Variants in TAFA1 observed in about 807,000 individuals in gnomAD.
TAFA1 encodes the protein chemokine-like protein TAFA-1.
Under a neutral mutation model 18.5 loss-of-function variants are expected in TAFA1, and 4 were observed. The observed-to-expected ratio is 0.22, with a 90% CI of 0.11 to 0.49. TAFA1 has a LOEUF of 0.49. TAFA1 is among the 20% of genes least tolerant of loss of function. TAFA1 has a pLI of 0.98. For missense variants in TAFA1, 147 were observed against 169.0 expected, an observed-to-expected ratio of 0.87 and a Z score of 0.72; for synonymous variants, 56 against 55.2, an observed-to-expected ratio of 1.01 and a Z score of -0.06.
At chr3:68,033,478 C>T (rs1426150969) in intron 2 of TAFA1, among the ~76,000 whole-genome samples, 2 of 152,156 alleles carry the variant, frequency 1.3e-5, no homozygotes, top group African/African-American at 4.8e-5. Context: ...TAGCTTCTGA[C>T]ATTGATATTT....
intron 2 of TAFA1, among the ~76,000 whole-genome samples, chr3:68,222,650 G>A (rs1177362116): frequency 3.3e-5 from 5 of 151,764 alleles, no homozygotes; most frequent in Non-Finnish European, 5.9e-5. Context: ...CTGTTTTTGG[G>A]GAGGGTGGAG....
chr3:68,072,901 G>A (rs888307754), intron 2 of TAFA1, among the ~76,000 whole-genome samples: 2 of 152,148 alleles, frequency 1.3e-5, no homozygotes, highest in African/African-American at 2.4e-5. Flanking sequence ...CAAACATAAA[G>A]CATTCAGATC....
intron 2 of TAFA1, among the ~76,000 whole-genome samples, chr3:68,020,084 G>A (rs73837233): frequency 0.029 from 4,422 of 151,888 alleles, 93 homozygotes; most frequent in East Asian, 0.13. Flanking sequence ...GCCCTACATG[G>A]ACTTACTTGT....
chr3:68,228,553 C>T (rs1678665905), intron 2 of TAFA1, among the ~76,000 whole-genome samples: 1 of 152,206 alleles, frequency 6.6e-6, no homozygotes, highest in African/African-American at 2.4e-5. Context: ...CTTTCATTTA[C>T]TCCTGCTCGA....
intron 2 of TAFA1, among the ~76,000 whole-genome samples, chr3:68,338,512 CT>C (rs2069015992): frequency 6.6e-6 from 1 of 152,112 alleles, no homozygotes; most frequent in African/African-American, 2.4e-5. Context: ...GTGCCATATT[CT>C]GTGTTGAACC....
At chr3:68,322,606 A>G (rs62245763) in intron 2 of TAFA1, among the ~76,000 whole-genome samples, 4,234 of 152,162 alleles carry the variant, frequency 0.028, 96 homozygotes, top group Middle Eastern at 0.075. Context: ...CCAAGGAGGG[A>G]GAATTGCCTG....
intron 2 of TAFA1, among the ~76,000 whole-genome samples, chr3:68,168,219 G>A (rs1025571249): frequency 1.3e-5 from 2 of 151,338 alleles, no homozygotes; most frequent in Non-Finnish European, 2.9e-5. Flanking sequence ...TCTTGTGTTG[G>A]GTTCTATTCT....
chr3:68,477,385 C>T (rs1348962782), intron 3 of TAFA1, among the ~76,000 whole-genome samples: 1 of 151,866 alleles, frequency 6.6e-6, no homozygotes, highest in Admixed American at 6.6e-5. Flanking sequence ...AAAAAAAATT[C>T]TTTTTTGAGA....
chr3:68,539,869 C>G (rs2073344812), intron 4 of TAFA1, among the ~76,000 whole-genome samples: 1 of 152,044 alleles, frequency 6.6e-6, no homozygotes, highest in Non-Finnish European at 1.5e-5. Flanking sequence ...AAGCTATCTT[C>G]CTGCTTCAGT....
At chr3:68,146,752 G>T (rs528225988) in intron 2 of TAFA1, among the ~76,000 whole-genome samples, 2 of 152,170 alleles carry the variant, frequency 1.3e-5, no homozygotes, top group Non-Finnish European at 2.9e-5. Context: ...AGGTTGAGAG[G>T]TCTGCCAGGG....
At chr3:68,053,015 C>A (rs1289941052) in intron 2 of TAFA1, among the ~76,000 whole-genome samples, 1 of 152,158 alleles carries the variant, frequency 6.6e-6, no homozygotes, top group African/African-American at 2.4e-5. Flanking sequence ...ACACCATCAG[C>A]AATTTAACTT....
chr3:68,458,916 G>C (rs545251397), intron 3 of TAFA1, among the ~76,000 whole-genome samples: 23 of 152,138 alleles, frequency 1.5e-4, no homozygotes, highest in Non-Finnish European at 2.2e-4. Flanking sequence ...ATTTACTTTC[G>C]GGAGGTTTAT....
intron 2 of TAFA1, among the ~76,000 whole-genome samples, chr3:68,026,418 C>G (rs189371827): frequency 2.0e-4 from 31 of 151,796 alleles, no homozygotes; most frequent in African/African-American, 7.5e-4. Context: ...GATTTTCAAA[C>G]ACAGAAGAAT....
chr3:68,493,561 T>C (rs1189587932), intron 3 of TAFA1, among the ~76,000 whole-genome samples: 1 of 152,234 alleles, frequency 6.6e-6, no homozygotes, highest in Non-Finnish European at 1.5e-5. Context: ...CCTCCATAAC[T>C]GTTTTCCACA....
chr3:68,385,737 T>G (rs1446173762), intron 2 of TAFA1, among the ~76,000 whole-genome samples: 2 of 152,050 alleles, frequency 1.3e-5, no homozygotes, highest in Non-Finnish European at 2.9e-5. Flanking sequence ...TTTTTTTAAG[T>G]AGTTTCCTAC....
At chr3:68,121,562 G>C (rs967357804) in intron 2 of TAFA1, among the ~76,000 whole-genome samples, 5 of 152,080 alleles carry the variant, frequency 3.3e-5, no homozygotes, top group African/African-American at 9.7e-5. Context: ...AGTGTGTTTG[G>C]AGTGCAAATG....
chr3:68,389,178 A>G (rs996082038), intron 2 of TAFA1, among the ~76,000 whole-genome samples: 2 of 152,188 alleles, frequency 1.3e-5, no homozygotes, highest in Non-Finnish European at 1.5e-5. Flanking sequence ...GGGACTTTGT[A>G]TGTGTAAAAC....
chr3:68,007,512 TC>T (rs1175579305), intron 2 of TAFA1, among the ~76,000 whole-genome samples: 2 of 152,062 alleles, frequency 1.3e-5, no homozygotes, highest in South Asian at 2.1e-4. Flanking sequence ...GTCCTTACCT[TC>T]CCCGGTTCTT....
chr3:68,059,002 T>C (rs1214328340), intron 2 of TAFA1, among the ~76,000 whole-genome samples: 2 of 152,148 alleles, frequency 1.3e-5, no homozygotes, highest in Non-Finnish European at 2.9e-5. Flanking sequence ...AATTCCCACA[T>C]GATAATGAGT....
Sources: gnomAD v4.1 joint callset for allele counts (sites outside exome capture counted in the v4.1 genomes callset) on GRCh38, gnomAD v4.1.1 for gene constraint, MANE v1.5 for transcripts, NCBI Gene and HGNC (gene_info 2026-07-23, HGNC 2026-07-21) for gene names.